Variants in ERBB4 observed in about 807,000 individuals in gnomAD.
ERBB4 encodes erb-b2 receptor tyrosine kinase 4, also known as receptor tyrosine-protein kinase erbB-4.
A neutral mutation model predicts 158.0 loss-of-function variants in ERBB4; 42 were observed. That is an observed-to-expected ratio of 0.27 (90% CI 0.21 to 0.34). The LOEUF (loss-of-function observed/expected upper bound fraction) is 0.34, where lower values mean the gene tolerates loss of function less well. ERBB4 is among the 10% of genes least tolerant of loss of function. The pLI, the probability that ERBB4 is intolerant of heterozygous loss-of-function variation, is 1.00. For missense variants in ERBB4, 1,333 were observed against 1,624.1 expected, an observed-to-expected ratio of 0.82 and a Z score of 3.08; for synonymous variants, 583 against 558.7, an observed-to-expected ratio of 1.04 and a Z score of -0.61.
chr2:211,797,800 C>G (rs920207179), intron 3 of ERBB4, among the ~76,000 whole-genome samples: 1 of 151,654 alleles, frequency 6.6e-6, no homozygotes. Context: ...ATTTTAAAAG[C>G]CACAACACGA....
At chr2:211,554,459 A>T (rs2067184456) in intron 20 of ERBB4, among the ~76,000 whole-genome samples, 1 of 152,188 alleles carries the variant, frequency 6.6e-6, no homozygotes, top group Non-Finnish European at 1.5e-5. Flanking sequence ...AGAGCCACAC[A>T]TTCCCACCCA....
intron 17 of ERBB4, 87 bp downstream of exon 17, chr2:211,630,375 C>T (rs2125871955): frequency 2.7e-6 from 4 of 1,494,802 alleles, no homozygotes; most frequent in Non-Finnish European, 2.8e-6. Flanking sequence ...CAGAATTTTA[C>T]TTGGATTAAA....
chr2:211,491,092 T>C (rs553498673), intron 20 of ERBB4, among the ~76,000 whole-genome samples: 2 of 152,198 alleles, frequency 1.3e-5, no homozygotes, highest in South Asian at 2.1e-4. Context: ...CAGGTGATAA[T>C]GTTTATACTT....
intron 1 of ERBB4, among the ~76,000 whole-genome samples, chr2:212,469,637 A>G (rs916699402): frequency 3.9e-5 from 6 of 152,192 alleles, no homozygotes; most frequent in South Asian, 2.1e-4. Flanking sequence ...AATCTCTTAC[A>G]GCTATTCATG....
intron 1 of ERBB4, among the ~76,000 whole-genome samples, chr2:212,443,745 A>C (rs1475735313): frequency 1.3e-5 from 2 of 152,202 alleles, no homozygotes. Context: ...ATGCTGTATG[A>C]AGCCTTTGGC....
chr2:212,282,966 A>G (rs2085814946), intron 1 of ERBB4, among the ~76,000 whole-genome samples: 1 of 151,886 alleles, frequency 6.6e-6, no homozygotes, highest in Non-Finnish European at 1.5e-5. Flanking sequence ...TACCACCTAT[A>G]TTTTTGGGTC....
intron 20 of ERBB4, among the ~76,000 whole-genome samples, chr2:211,549,708 A>G (rs1326545030): frequency 1.3e-5 from 2 of 152,130 alleles, no homozygotes; most frequent in Admixed American, 1.3e-4. Flanking sequence ...CCTGAGCAAT[A>G]AACACTTATG....
At chr2:211,492,070 GA>G (rs35459917) in intron 20 of ERBB4, among the ~76,000 whole-genome samples, 51 of 145,020 alleles carry the variant, frequency 3.5e-4, no homozygotes, top group South Asian at 6.5e-4. Flanking sequence ...CTCACCTTAA[GA>G]AAAAAAAAAA....
intron 25 of ERBB4, among the ~76,000 whole-genome samples, chr2:211,393,740 C>CGTGTGTGT (rs58472959): frequency 9.6e-5 from 14 of 146,238 alleles, no homozygotes; most frequent in Admixed American, 2.8e-4. Flanking sequence ...GAGTTAATAG[C>CGTGTGTGT]GTGTGTGTGT....
At chr2:211,731,675 T>C (rs2074431069) in intron 5 of ERBB4, among the ~76,000 whole-genome samples, 1 of 152,114 alleles carries the variant, frequency 6.6e-6, no homozygotes, top group African/African-American at 2.4e-5. Context: ...CTATTAATGA[T>C]GAAATTGTGA....
At chr2:211,940,743 A>G (rs908036356) in intron 3 of ERBB4, among the ~76,000 whole-genome samples, 19 of 152,086 alleles carry the variant, frequency 1.2e-4, no homozygotes, top group Non-Finnish European at 1.9e-4. Flanking sequence ...GGATGATTCT[A>G]TTCCCTGAAC....
At chr2:211,872,208 G>T (rs184391577) in intron 3 of ERBB4, among the ~76,000 whole-genome samples, 1 of 152,250 alleles carries the variant, frequency 6.6e-6, no homozygotes, top group East Asian at 1.9e-4. Context: ...GCTGTAGAGG[G>T]TTAGTATTTG....
intron 25 of ERBB4, among the ~76,000 whole-genome samples, chr2:211,391,978 T>C (rs1301770845): frequency 6.6e-6 from 1 of 152,182 alleles, no homozygotes; most frequent in African/African-American, 2.4e-5. Flanking sequence ...ATAGTAATTA[T>C]AAGATTACAA....
intron 1 of ERBB4, among the ~76,000 whole-genome samples, chr2:212,463,503 T>A (rs1688677259): frequency 6.6e-6 from 1 of 152,242 alleles, no homozygotes; most frequent in African/African-American, 2.4e-5. Context: ...ATTGACATGT[T>A]TTTCTGATTA....
chr2:211,664,278 C>T (rs1008666893), intron 15 of ERBB4, among the ~76,000 whole-genome samples: 8 of 152,040 alleles, frequency 5.3e-5, no homozygotes, highest in African/African-American at 1.9e-4. Context: ...TATGGAATCT[C>T]ACACTTTCCT....
chr2:211,546,050 T>A (rs1463037232), intron 20 of ERBB4, among the ~76,000 whole-genome samples: 1 of 152,058 alleles, frequency 6.6e-6, no homozygotes, highest in African/African-American at 2.4e-5. Context: ...CTTAGCCAAA[T>A]AAAACATCAT....
intron 3 of ERBB4, among the ~76,000 whole-genome samples, chr2:211,891,707 A>C (rs1230895495): frequency 7.2e-6 from 1 of 138,132 alleles, no homozygotes; most frequent in African/African-American, 2.9e-5. Flanking sequence ...AGACACAATA[A>C]AAAATGATAA....
At chr2:212,483,258 G>A (rs576372442) in intron 1 of ERBB4, among the ~76,000 whole-genome samples, 1 of 152,244 alleles carries the variant, frequency 6.6e-6, no homozygotes, top group South Asian at 2.1e-4. Flanking sequence ...TTTTGCAGGA[G>A]GAAAATTAAA....
intron 3 of ERBB4, among the ~76,000 whole-genome samples, chr2:211,798,760 T>C (rs751327786): frequency 1.3e-5 from 2 of 152,120 alleles, no homozygotes; most frequent in Non-Finnish European, 2.9e-5. Flanking sequence ...ATTTTAGAGA[T>C]AGATATATTG....
Sources: gnomAD v4.1 joint callset for allele counts (sites outside exome capture counted in the v4.1 genomes callset) on GRCh38, gnomAD v4.1.1 for gene constraint, MANE v1.5 for transcripts, NCBI Gene and HGNC (gene_info 2026-07-23, HGNC 2026-07-21) for gene names.